Variants in SPIDR observed in about 807,000 individuals in gnomAD.
The protein encoded by SPIDR is scaffold protein involved in DNA repair.
A neutral mutation model predicts 104.6 loss-of-function variants in SPIDR; 93 were observed. That is an observed-to-expected ratio of 0.89 (90% CI 0.75 to 1.06). SPIDR has a LOEUF of 1.06. Among genes scored for constraint, SPIDR ranks in the 50% least tolerant of loss-of-function variants. The pLI is 0.00. For synonymous variants in SPIDR, 431 were observed against 416.9 expected, an observed-to-expected ratio of 1.03 and a Z score of -0.41; for missense variants, 1,154 against 1,111.2, an observed-to-expected ratio of 1.04 and a Z score of -0.55.
chr8:47,485,723 T>A (rs567495578), intron 8 of SPIDR, among the ~76,000 whole-genome samples: 3 of 152,342 alleles, frequency 2.0e-5, no homozygotes, highest in Middle Eastern at 3.4e-3. Context: ...CAGCCTCCGC[T>A]GCTGATACCC....
At chr8:47,618,420 TGATA>T (rs753567883) in intron 10 of SPIDR, among the ~76,000 whole-genome samples, 53 of 152,248 alleles carry the variant, frequency 3.5e-4, no homozygotes, top group South Asian at 1.2e-3. Flanking sequence ...TTACCAAGGG[TGATA>T]GATAGGTTGC....
intron 10 of SPIDR, among the ~76,000 whole-genome samples, chr8:47,664,135 T>C (rs1048139705): frequency 5.3e-5 from 8 of 152,146 alleles, no homozygotes; most frequent in African/African-American, 1.7e-4. Flanking sequence ...GGTCCCCTCT[T>C]CCCCCAGCCC....
chr8:47,606,456 G>A (rs999943069), intron 10 of SPIDR, among the ~76,000 whole-genome samples: 1 of 152,082 alleles, frequency 6.6e-6, no homozygotes, highest in African/African-American at 2.4e-5. Context: ...AACCCAGGAG[G>A]TGGAGCTTGC....
At chr8:47,345,705 A>G (rs904168671) in intron 5 of SPIDR, among the ~76,000 whole-genome samples, 6 of 152,054 alleles carry the variant, frequency 3.9e-5, no homozygotes, top group African/African-American at 1.4e-4. Context: ...ATTGCTAGGT[A>G]TTTTATTCTC....
At position 47,391,412 on chromosome 8, in the gene SPIDR, C is replaced by T. The variant is rs139485460; in HGVS notation, c.526-4964C>T. Among the ~76,000 whole-genome samples the T allele has an allele frequency of 3.6e-4, 55 of 152,100 alleles. 1 individual carries two copies. The highest frequency in any genetic ancestry group is 1.3e-3 in the African/African-American group (54 of 41,454). ...AAAAATAGCCAGGTATGGTGGCACA[C>T]ATCTGTAGCTTCAGCTACTTGAGAG... On this transcript the variant is annotated intron_variant, in intron 5 of 19. Coordinates refer to ENST00000297423, the MANE Select transcript of SPIDR (RefSeq NM_001080394.4).
At chr8:47,602,434 C>T (rs541887582) in intron 10 of SPIDR, among the ~76,000 whole-genome samples, 2 of 152,238 alleles carry the variant, frequency 1.3e-5, no homozygotes, top group Non-Finnish European at 2.9e-5. Flanking sequence ...AACTTAAAGA[C>T]AACCTTGATT....
rs1269627539 is a variant in SPIDR at position 47,376,785 on chromosome 8, T to TA, written c.526-19580dup. On this transcript the variant is annotated intron_variant, in intron 5 of 19. Coordinates refer to ENST00000297423, the MANE Select transcript of SPIDR (RefSeq NM_001080394.4). ...AGGAAAAACATCTTGAGATTTTCCT[T>TA]AAAAAAAAAAATTTTTTTTAACCTA... Among the ~76,000 whole-genome samples, 717 of 150,128 alleles carry TA rather than the reference T, an allele frequency of 4.8e-3. 2 individuals carry two copies. The highest frequency in any genetic ancestry group is 0.014 in the African/African-American group (572 of 41,010).
At chr8:47,349,786 A>G (rs114409665) in intron 5 of SPIDR, among the ~76,000 whole-genome samples, 2,859 of 152,286 alleles carry the variant, frequency 0.019, 90 homozygotes, top group African/African-American at 0.065. Context: ...CCGGCGCGGG[A>G]TGTAATGTCC....
intron 8 of SPIDR, among the ~76,000 whole-genome samples, chr8:47,454,428 G>T (rs1265000578): frequency 1.3e-5 from 2 of 151,874 alleles, no homozygotes; most frequent in African/African-American, 4.8e-5. Flanking sequence ...AGTGGAAAAT[G>T]AGAACACTTG....
At chr8:47,611,801 C>T (rs1041840233) in intron 10 of SPIDR, among the ~76,000 whole-genome samples, 5 of 152,022 alleles carry the variant, frequency 3.3e-5, no homozygotes, top group Non-Finnish European at 5.9e-5. Context: ...AATTAAGCAA[C>T]CACAGGCAGA....
intron 8 of SPIDR, among the ~76,000 whole-genome samples, chr8:47,531,229 G>T (rs1222318256): frequency 6.6e-6 from 1 of 152,132 alleles, no homozygotes; most frequent in African/African-American, 2.4e-5. Flanking sequence ...GCTAAAAATG[G>T]AGATACACAA....
intron 8 of SPIDR, among the ~76,000 whole-genome samples, chr8:47,488,878 A>C (rs1295581303): frequency 6.6e-6 from 1 of 152,184 alleles, no homozygotes; most frequent in African/African-American, 2.4e-5. Flanking sequence ...ATCTATGACA[A>C]ACCCACAGCC....
intron 8 of SPIDR, among the ~76,000 whole-genome samples, chr8:47,539,040 T>C (rs560647622): frequency 6.6e-6 from 1 of 151,950 alleles, no homozygotes; most frequent in South Asian, 2.1e-4. Context: ...TTTGTTTTTT[T>C]AGTAGAGACG....
In SPIDR at chr8:47,735,113, T is replaced by G. The variant is rs200844852; in HGVS notation, c.2605-194T>G. ...GTGTGTGGGTGTGTGTGTGTGTGGG[T>G]GTGTGTGTGTGTGTGTGTGTGTAGT... On this transcript the variant is annotated intron_variant, in intron 19 of 19. Transcript: ENST00000297423. Among the ~76,000 whole-genome samples, 1,091 of 125,472 alleles carry G rather than the reference T, an allele frequency of 8.7e-3. 16 individuals are homozygous for G. Among genetic ancestry groups the G allele is most frequent in the African/African-American group, 0.026 (778 of 29,602 alleles). The allele number at this position is 125,472 out of a possible 152,430, so 82.3% of individuals were successfully genotyped here.
chr8:47,719,520 A>T (rs1192611158), intron 16 of SPIDR, among the ~76,000 whole-genome samples: 1 of 152,084 alleles, frequency 6.6e-6, no homozygotes, highest in Non-Finnish European at 1.5e-5. Context: ...AAAAAAAAAA[A>T]TAGAAAGCAT....
intron 5 of SPIDR, among the ~76,000 whole-genome samples, chr8:47,328,477 C>G (rs2048085348): frequency 6.6e-6 from 1 of 151,114 alleles, no homozygotes; most frequent in African/African-American, 2.4e-5. Context: ...TTCTCAAACT[C>G]CTGGCTTCAA....
At position 47,470,892 on chromosome 8, in the gene SPIDR, G is replaced by A. The variant is rs529261566; in HGVS notation, c.1097+30350G>A. The stretch of plus-strand genomic sequence containing the variant: ...TGGGACTACAGGTGCCCGCCACCAC[G>A]CCCAGCTAATTTTTTGTATTTTTAG... On this transcript the variant is annotated intron_variant, in intron 8 of 19. Coordinates refer to ENST00000297423, the MANE Select transcript of SPIDR (RefSeq NM_001080394.4). Among the ~76,000 whole-genome samples the A allele has an allele frequency of 2.3e-3, 352 of 151,932 alleles. 1 individual carries two copies. Among genetic ancestry groups the A allele is most frequent in the South Asian group, 6.9e-3 (33 of 4,806 alleles).
At chr8:47,719,124 A>G (rs1268765517) in intron 16 of SPIDR, among the ~76,000 whole-genome samples, 3 of 152,152 alleles carry the variant, frequency 2.0e-5, no homozygotes, top group Non-Finnish European at 4.4e-5. Context: ...TAGGCCTCTC[A>G]ACGTCAGTTA....
At chr8:47,713,238 T>G (rs2082119667) in intron 15 of SPIDR, 4 of 598,602 alleles carry the variant, frequency 6.7e-6, no homozygotes, top group Non-Finnish European at 1.1e-5. Flanking sequence ...TTTTTAATTT[T>G]TATTGAGTCA....
Sources: gnomAD v4.1 joint callset for allele counts (sites outside exome capture counted in the v4.1 genomes callset) on GRCh38, gnomAD v4.1.1 for gene constraint, MANE v1.5 for transcripts, NCBI Gene and HGNC (gene_info 2026-07-23, HGNC 2026-07-21) for gene names.